Variants in FRMD5 observed in about 807,000 individuals in gnomAD.
The protein encoded by FRMD5 is FERM domain-containing protein 5.
A neutral mutation model predicts 69.0 loss-of-function variants in FRMD5; 20 were observed. That is an observed-to-expected ratio of 0.29 (90% CI 0.20 to 0.42). The LOEUF (loss-of-function observed/expected upper bound fraction) is 0.42. FRMD5 is among the 10% of genes least tolerant of loss of function. The pLI is 1.00. For synonymous variants in FRMD5, 271 were observed against 260.1 expected (o/e 1.04, Z -0.40); for missense variants, 595 against 708.6 (o/e 0.84, Z 1.82).
At chr15:43,879,184 A>C (rs1054585866) in intron 13 of FRMD5, among the ~76,000 whole-genome samples, 2 of 152,018 alleles carry the variant, frequency 1.3e-5, no homozygotes, top group African/African-American at 4.8e-5. Flanking sequence ...TGATCTGCCC[A>C]TCTCAGCCTC....
At chr15:44,158,950 G>A (rs1276408831) in intron 1 of FRMD5, among the ~76,000 whole-genome samples, 1 of 152,154 alleles carries the variant, frequency 6.6e-6, no homozygotes, top group Non-Finnish European at 1.5e-5. Context: ...GCAGGAGTAT[G>A]CCCAGCATGG....
At chr15:44,133,437 G>A (rs1361212061) in intron 1 of FRMD5, among the ~76,000 whole-genome samples, 10 of 151,152 alleles carry the variant, frequency 6.6e-5, no homozygotes, top group East Asian at 4.0e-4. Flanking sequence ...TTAGCCAGGC[G>A]TGGTGGCAGG....
At chr15:43,901,698 G>A (rs1017506850) in intron 7 of FRMD5, among the ~76,000 whole-genome samples, 1 of 152,168 alleles carries the variant, frequency 6.6e-6, no homozygotes, top group Non-Finnish European at 1.5e-5. Flanking sequence ...CAGCCTCCCC[G>A]GCTGGTTCTC....
At chr15:44,048,686 C>T (rs924885861) in intron 1 of FRMD5, among the ~76,000 whole-genome samples, 5 of 152,056 alleles carry the variant, frequency 3.3e-5, no homozygotes, top group African/African-American at 1.2e-4. Context: ...GATTCTTGTG[C>T]CTCAACCTCC....
At chr15:44,135,286 C>G (rs922426175) in intron 1 of FRMD5, among the ~76,000 whole-genome samples, 3 of 152,116 alleles carry the variant, frequency 2.0e-5, no homozygotes, top group African/African-American at 7.2e-5. Context: ...AAAGGAAAGG[C>G]AAATTTCAGA....
chr15:43,994,703 A>T (rs1043998016), intron 1 of FRMD5, among the ~76,000 whole-genome samples: 1 of 152,240 alleles, frequency 6.6e-6, no homozygotes, highest in African/African-American at 2.4e-5. Flanking sequence ...AAGTGCTAGG[A>T]TTAAAGGCGT....
intron 1 of FRMD5, among the ~76,000 whole-genome samples, chr15:44,098,801 CAA>C (rs1273835570): frequency 6.6e-6 from 1 of 150,986 alleles, no homozygotes; most frequent in Non-Finnish European, 1.5e-5. Flanking sequence ...AATAATTAGA[CAA>C]AGTCACCTTT....
intron 1 of FRMD5, among the ~76,000 whole-genome samples, chr15:44,126,981 C>T (rs2077032184): frequency 6.6e-6 from 1 of 152,204 alleles, no homozygotes; most frequent in Non-Finnish European, 1.5e-5. Flanking sequence ...TACTTTGATC[C>T]TAATGAATGT....
chr15:44,052,539 A>G (rs1227326483), intron 1 of FRMD5, among the ~76,000 whole-genome samples: 2 of 152,138 alleles, frequency 1.3e-5, no homozygotes, highest in Non-Finnish European at 2.9e-5. Context: ...TTCTTTTTAC[A>G]TAACATTTGT....
At chr15:44,105,414 A>T (rs1441209048) in intron 1 of FRMD5, among the ~76,000 whole-genome samples, 2 of 152,164 alleles carry the variant, frequency 1.3e-5, no homozygotes, top group African/African-American at 4.8e-5. Flanking sequence ...AAATTTCTTT[A>T]AAACACCTGT....
At chr15:43,952,285 A>C (rs1239126641) in intron 1 of FRMD5, among the ~76,000 whole-genome samples, 2 of 152,204 alleles carry the variant, frequency 1.3e-5, no homozygotes, top group Admixed American at 6.5e-5. Context: ...ACCAGTATTT[A>C]TGCTCAGGCT....
At chr15:43,969,008 C>A (rs1015293551) in intron 1 of FRMD5, among the ~76,000 whole-genome samples, 6 of 151,882 alleles carry the variant, frequency 4.0e-5, no homozygotes, top group African/African-American at 1.5e-4. Flanking sequence ...CTGATTATAT[C>A]TAGAGGCCTT....
In FRMD5 at chr15:43,873,373, T is replaced by G; in HGVS notation, c.*512A>C. On this transcript the variant is annotated 3_prime_UTR_variant, in exon 14 of 14. Coordinates refer to ENST00000417257, the MANE Select transcript of FRMD5 (RefSeq NM_032892.5). The stretch of plus-strand genomic sequence containing the variant: ...CAAACAAAAAACTAAACAGTCCCCA[T>G]TGTCCAGATCCCTGGCCTGCCCTGC... The G allele has an allele frequency of 3.4e-6, 5 of 1,457,690 alleles. No individual in the cohort carries two copies. Among genetic ancestry groups the G allele is most frequent in the Admixed American group, 2.5e-5 (1 of 39,242 alleles). 90.3% of individuals were successfully genotyped at this position (1,457,690 alleles called of 1,614,324 possible). A position where few individuals can be genotyped will look rare whatever the true frequency, so the allele number is the denominator to read the frequency against.
intron 1 of FRMD5, among the ~76,000 whole-genome samples, chr15:43,947,477 A>G (rs935390788): frequency 3.3e-5 from 5 of 152,244 alleles, no homozygotes; most frequent in African/African-American, 1.2e-4. Context: ...AATTTACAAA[A>G]GAAAATCCAT....
chr15:44,076,355 A>G (rs1288192431), intron 1 of FRMD5, among the ~76,000 whole-genome samples: 1 of 150,266 alleles, frequency 6.7e-6, no homozygotes. Flanking sequence ...TCACAATAGC[A>G]AAGACTTGGA....
At chr15:44,111,523 T>G (rs1351148336) in intron 1 of FRMD5, among the ~76,000 whole-genome samples, 9 of 152,202 alleles carry the variant, frequency 5.9e-5, no homozygotes, top group African/African-American at 2.2e-4. Context: ...CTAGTATCCT[T>G]GGAAGGCTCA....
At chr15:44,051,503 CTAT>C (rs1892666245) in intron 1 of FRMD5, among the ~76,000 whole-genome samples, 2 of 151,736 alleles carry the variant, frequency 1.3e-5, no homozygotes, top group African/African-American at 2.4e-5. Flanking sequence ...ATTTCCTTTC[CTAT>C]TATTAACATC....
intron 1 of FRMD5, among the ~76,000 whole-genome samples, chr15:44,001,642 T>C (rs1890218486): frequency 6.6e-6 from 1 of 151,502 alleles, no homozygotes; most frequent in African/African-American, 2.4e-5. Flanking sequence ...AAAATCACTT[T>C]GTCATTCAGG....
rs1312522695 is a variant in FRMD5 at position 43,872,940 on chromosome 15, C to T, written c.*945G>A. 1 of 499,546 alleles carries T rather than the reference C, an allele frequency of 2.0e-6. No homozygotes were observed. Among genetic ancestry groups the T allele is most frequent in the Admixed American group, 3.7e-5 (1 of 27,294 alleles). 30.9% of individuals were successfully genotyped at this position (499,546 alleles called of 1,614,324 possible). A position where few individuals can be genotyped will look rare whatever the true frequency, so the allele number is the denominator to read the frequency against. ...TGTATATAAAATAAGCACTGCTATC[C>T]AAATCTCAACAGTCTCTCAGGTAAC... On this transcript the variant is annotated 3_prime_UTR_variant, in exon 14 of 14. Coordinates refer to ENST00000417257, the MANE Select transcript of FRMD5 (RefSeq NM_032892.5).
Sources: gnomAD v4.1 joint callset for allele counts (sites outside exome capture counted in the v4.1 genomes callset) on GRCh38, gnomAD v4.1.1 for gene constraint, MANE v1.5 for transcripts, NCBI Gene and HGNC (gene_info 2026-07-23, HGNC 2026-07-21) for gene names.